Variants in GLIS3 observed in about 807,000 individuals in gnomAD.
GLIS3 encodes GLIS family zinc finger 3, also known as zinc finger protein GLIS3.
In GLIS3, 53 loss-of-function variants were observed where a neutral mutation model predicts 78.6. The observed-to-expected ratio is 0.67, with a 90% CI of 0.54 to 0.85. The LOEUF (loss-of-function observed/expected upper bound fraction) is 0.85, where lower values mean the gene tolerates loss of function less well. Among genes scored for constraint, GLIS3 ranks in the 40% least tolerant of loss-of-function variants. The pLI is 0.00. For synonymous variants in GLIS3, 684 were observed against 509.9 expected, an observed-to-expected ratio of 1.34 and a Z score of -4.60; for missense variants, 1,703 against 1,231.1, an observed-to-expected ratio of 1.38 and a Z score of -5.74.
intron 4 of GLIS3, among the ~76,000 whole-genome samples, chr9:4,048,688 C>T (rs1472459045): frequency 6.6e-6 from 1 of 152,142 alleles, no homozygotes; most frequent in Non-Finnish European, 1.5e-5. Flanking sequence ...GCACTGAAGT[C>T]CTCTCTGTGG....
At chr9:4,461,371 C>A in the GLIS3 span, among the ~76,000 whole-genome samples, 2 of 151,786 alleles carry the variant, frequency 1.3e-5, no homozygotes, top group Admixed American at 1.3e-4. Flanking sequence ...CTTAAAGAAC[C>A]AATTCTTCTC....
At chr9:3,911,507 G>A (rs1008018366) in intron 6 of GLIS3, among the ~76,000 whole-genome samples, 2 of 152,136 alleles carry the variant, frequency 1.3e-5, no homozygotes, top group African/African-American at 2.4e-5. Flanking sequence ...GTAAATGTCT[G>A]CCCCAAACTA....
At chr9:4,479,502 A>G in the GLIS3 span, among the ~76,000 whole-genome samples, 2 of 152,158 alleles carry the variant, frequency 1.3e-5, no homozygotes, top group South Asian at 2.1e-4. Flanking sequence ...GCTAGTAACA[A>G]ATATGCAAGT....
chr9:3,997,807 G>A (rs1217098961), intron 4 of GLIS3, among the ~76,000 whole-genome samples: 1 of 151,872 alleles, frequency 6.6e-6, no homozygotes, highest in Non-Finnish European at 1.5e-5. Flanking sequence ...AAAGAGTTAT[G>A]CTATGAGCAT....
chr9:3,971,442 T>C (rs1350592754), intron 4 of GLIS3, among the ~76,000 whole-genome samples: 1 of 152,130 alleles, frequency 6.6e-6, no homozygotes, highest in African/African-American at 2.4e-5. Context: ...AAAAATGGTA[T>C]TTTTCAGAAA....
At chr9:4,080,522 G>A (rs1011736924) in intron 4 of GLIS3, among the ~76,000 whole-genome samples, 1 of 152,174 alleles carries the variant, frequency 6.6e-6, no homozygotes, top group Non-Finnish European at 1.5e-5. Context: ...GGAGCTAAGG[G>A]AAAGGATAAA....
chr9:3,914,329 G>T (rs1271868779), intron 6 of GLIS3, among the ~76,000 whole-genome samples: 4 of 85,964 alleles, frequency 4.7e-5, no homozygotes, highest in East Asian at 6.4e-4. Flanking sequence ...TCAGATTTTT[G>T]GATTTTTTTT....
At chr9:4,277,289 G>A (rs776878873) in intron 2 of GLIS3, among the ~76,000 whole-genome samples, 2 of 152,102 alleles carry the variant, frequency 1.3e-5, no homozygotes, top group Non-Finnish European at 2.9e-5. Context: ...TCTATGATGT[G>A]GCAGTGGAGA....
the GLIS3 span, among the ~76,000 whole-genome samples, chr9:4,490,225 G>A: frequency 6.6e-6 from 1 of 152,254 alleles, no homozygotes; most frequent in African/African-American, 2.4e-5. Flanking sequence ...TGAGTGAGGC[G>A]TGGAAAGCGA....
chr9:4,268,184 C>T (rs182067709), intron 2 of GLIS3, among the ~76,000 whole-genome samples: 1 of 152,214 alleles, frequency 6.6e-6, no homozygotes, highest in East Asian at 1.9e-4. Context: ...GCGAAAATTA[C>T]TCAGTTACAC....
the GLIS3 span, among the ~76,000 whole-genome samples, chr9:4,482,196 A>C: frequency 6.6e-6 from 1 of 152,244 alleles, no homozygotes. Flanking sequence ...TCCTAAAATG[A>C]AATGGAATTT....
chr9:4,449,488 C>A, the GLIS3 span, among the ~76,000 whole-genome samples: 6,577 of 152,314 alleles, frequency 0.043, 500 homozygotes, highest in African/African-American at 0.15. Flanking sequence ...GCATGGTGTT[C>A]AAGCTCTGAG....
At chr9:4,417,262 G>A in the GLIS3 span, among the ~76,000 whole-genome samples, 1 of 152,118 alleles carries the variant, frequency 6.6e-6, no homozygotes, top group Non-Finnish European at 1.5e-5. Flanking sequence ...AACATGCTGT[G>A]GTGACTGAAT....
At chr9:4,127,771 G>C (rs943561810) in intron 2 of GLIS3, among the ~76,000 whole-genome samples, 40 of 134,348 alleles carry the variant, frequency 3.0e-4, no homozygotes, top group African/African-American at 9.5e-4. Context: ...CAATTATCAA[G>C]TATTCTGTCA....
the GLIS3 span, among the ~76,000 whole-genome samples, chr9:4,409,117 G>A: frequency 5.9e-5 from 9 of 152,168 alleles, no homozygotes; most frequent in African/African-American, 1.9e-4. Context: ...TATGGGAAAT[G>A]TTGTAATCCT....
At chr9:4,094,618 G>A (rs1246854920) in intron 4 of GLIS3, among the ~76,000 whole-genome samples, 5 of 152,020 alleles carry the variant, frequency 3.3e-5, no homozygotes, top group African/African-American at 1.2e-4. Flanking sequence ...AACCTGTAAG[G>A]GTATTTATGT....
intron 6 of GLIS3, among the ~76,000 whole-genome samples, chr9:3,929,193 T>C (rs1027972924): frequency 2.0e-5 from 3 of 152,198 alleles, no homozygotes; most frequent in Non-Finnish European, 4.4e-5. Context: ...CTTGATTTAA[T>C]GGACTCGAGA....
chr9:4,321,769 C>T lies in GLIS3; in HGVS notation n.265-11241G>A, dbSNP rs987837096. The stretch of plus-strand genomic sequence containing the variant: ...CACTGTCCAGGCTGGAGTGCAGTGG[C>T]ATGATCTCATCTTACCACAGCCTCC... On this transcript the variant is annotated intron_variant and non_coding_transcript_variant, in intron 2 of 4. Transcript: ENST00000471664. 3.3e-5 allele frequency among the ~76,000 whole-genome samples: 5 copies of T among 151,998 alleles called. No individual in the cohort carries two copies. The South Asian group carries it at 1.0e-3, about 32-fold the overall frequency.
At chr9:4,177,308 TAA>T (rs1319523221) in intron 2 of GLIS3, among the ~76,000 whole-genome samples, 1 of 152,188 alleles carries the variant, frequency 6.6e-6, no homozygotes, top group Non-Finnish European at 1.5e-5. Context: ...TATCTTTTTG[TAA>T]GGTGTACCAA....
Sources: gnomAD v4.1 joint callset for allele counts (sites outside exome capture counted in the v4.1 genomes callset) on GRCh38, gnomAD v4.1.1 for gene constraint, MANE v1.5 for transcripts, NCBI Gene and HGNC (gene_info 2026-07-23, HGNC 2026-07-21) for gene names.